CSMD3: variants seen among roughly 807,000 people sequenced by gnomAD.
The protein encoded by CSMD3 is CUB and Sushi multiple domains 3.
A neutral mutation model predicts 435.2 loss-of-function variants in CSMD3; 177 were observed. The ratio of observed to expected loss-of-function variants is 0.41; its 90% CI spans 0.36 to 0.46. The LOEUF (loss-of-function observed/expected upper bound fraction) is 0.46, where lower values mean the gene tolerates loss of function less well. CSMD3 is among the 20% of genes least tolerant of loss of function. The pLI, the probability that CSMD3 is intolerant of heterozygous loss-of-function variation, is 0.34. For missense variants in CSMD3, 4,265 were observed against 4,504.6 expected, an observed-to-expected ratio of 0.95 and a Z score of 1.52; for synonymous variants, 1,656 against 1,520.5, an observed-to-expected ratio of 1.09 and a Z score of -2.07.
chr8:112,741,092 G>T (rs187608998), intron 13 of CSMD3, among the ~76,000 whole-genome samples: 30 of 151,968 alleles, frequency 2.0e-4, no homozygotes, highest in Admixed American at 7.2e-4. Context: ...TAACAGGACA[G>T]AAAGAAGGCA....
At chr8:113,067,452 G>A (rs1445911649) in intron 5 of CSMD3, among the ~76,000 whole-genome samples, 3 of 152,096 alleles carry the variant, frequency 2.0e-5, no homozygotes, top group Admixed American at 1.3e-4. Flanking sequence ...GAATGCCTCA[G>A]TCCTTAAGCT....
rs755514579 is a variant in CSMD3 at position 112,550,659 on chromosome 8, G to GA, written c.4564+11dup. On this transcript the variant is annotated intron_variant, in intron 27 of 70. Transcript: ENST00000297405. ...CTATTTTGCATTGAAGAAATTTTTT[G>GA]AAAAAACTTACTTGAAAACTGAATT... is the stretch of plus-strand genomic sequence containing the variant. The GA allele has an allele frequency of 6.2e-5, 95 of 1,528,438 alleles. No homozygotes were observed. The highest frequency in any genetic ancestry group is 8.6e-5 in the Non-Finnish European group (95 of 1,103,698). The allele number at this position is 1,528,438 out of a possible 1,614,324, so 94.7% of individuals were successfully genotyped here. A position where few individuals can be genotyped will look rare whatever the true frequency, so the allele number is the denominator to read the frequency against.
At chr8:112,385,777 A>T (rs117467651) in intron 36 of CSMD3, among the ~76,000 whole-genome samples, 1,709 of 152,254 alleles carry the variant, frequency 0.011, 20 homozygotes, top group Middle Eastern at 0.021. Flanking sequence ...TATTGAGAGT[A>T]GTGGGGTAGC....
intron 1 of CSMD3, among the ~76,000 whole-genome samples, chr8:113,392,265 A>T (rs867059002): frequency 1.3e-5 from 2 of 152,090 alleles, no homozygotes; most frequent in Non-Finnish European, 2.9e-5. Flanking sequence ...CTTACACCAA[A>T]TCAATAAAGT....
In CSMD3 at chr8:113,357,005, A is replaced by G. The variant is rs2094234410; in HGVS notation, c.179-42212T>C. ...TAAAATAGGCAAATATGAATCTAGA[A>G]CAGAGAGATACTTAAAAACTCCTTA... On this transcript the variant is annotated intron_variant, in intron 1 of 70. Coordinates refer to ENST00000297405, the MANE Select transcript of CSMD3 (RefSeq NM_198123.2). 1.3e-5 allele frequency among the ~76,000 whole-genome samples: 2 copies of G among 152,166 alleles called. 1 individual carries two copies. Among genetic ancestry groups the G allele is most frequent in the South Asian group, 4.1e-4 (2 of 4,834 alleles).
chr8:113,023,189 T>A (rs12545742), intron 5 of CSMD3, among the ~76,000 whole-genome samples: 64,704 of 151,882 alleles, frequency 0.43, 14,590 homozygotes, highest in East Asian at 0.78. Flanking sequence ...ATTTTGTAGT[T>A]TCATCAACAG....
rs185850849 is a variant in CSMD3, at chr8:113,173,384, C to T, written c.709+338G>A. On this transcript the variant is annotated intron_variant, in intron 4 of 70. Transcript: ENST00000297405. ...TTGCCTAGGCTGGGGTGCAGTGGCG[C>T]GATCTCAGCTCACTGCAGCCTCCAC... Among the ~76,000 whole-genome samples the T allele has an allele frequency of 3.2e-4, 48 of 152,104 alleles. No homozygotes were observed. The East Asian group carries it at 6.4e-3, about 20-fold the overall frequency.
At chr8:112,274,230 TA>T (rs370495711) in intron 59 of CSMD3, among the ~76,000 whole-genome samples, 28 of 151,600 alleles carry the variant, frequency 1.8e-4, no homozygotes, top group African/African-American at 5.8e-4. Context: ...AGAGTATATT[TA>T]AAAAAAAGAA....
chr8:112,829,103 G>C (rs143432122), intron 12 of CSMD3, among the ~76,000 whole-genome samples: 5 of 151,844 alleles, frequency 3.3e-5, no homozygotes, highest in African/African-American at 4.8e-5. Flanking sequence ...ATACAATAAG[G>C]GCATTACCAG....
At chr8:113,377,042 A>G (rs1229483715) in intron 1 of CSMD3, 5 of 938,918 alleles carry the variant, frequency 5.3e-6, no homozygotes, top group South Asian at 2.8e-5. Context: ...GGTGGGGCGG[A>G]GCGGAGCGGG....
intron 10 of CSMD3, among the ~76,000 whole-genome samples, chr8:112,913,056 C>G (rs1587654218): frequency 1.3e-5 from 2 of 151,920 alleles, no homozygotes; most frequent in Admixed American, 6.6e-5. Context: ...GCACATCCAC[C>G]ATTGTTCTCA....
intron 38 of CSMD3, 52 bp from the exon 39 acceptor site, chr8:112,352,586 TAAGTTATGCATATTAAGTTGCTAAA>T (rs1826231132): frequency 1.4e-6 from 2 of 1,473,236 alleles, no homozygotes; most frequent in Non-Finnish European, 1.9e-6. Context: ...GATAAATGCT[TAAGTTATGCATATTAAGTTGCTAAA>T]ATTGAATATC....
intron 11 of CSMD3, among the ~76,000 whole-genome samples, chr8:112,833,671 T>G (rs2079941697): frequency 6.6e-6 from 1 of 151,122 alleles, no homozygotes; most frequent in South Asian, 2.1e-4. Context: ...GAGGGAATGC[T>G]TCCAATATAT....
chr8:113,245,920 C>T (rs767288162), intron 3 of CSMD3, among the ~76,000 whole-genome samples: 20 of 151,944 alleles, frequency 1.3e-4, no homozygotes, highest in Non-Finnish European at 2.8e-4. Context: ...GACAGTCTTT[C>T]AACCCTTTGG....
At chr8:113,305,686 G>T (rs1287237853) in intron 2 of CSMD3, among the ~76,000 whole-genome samples, 39 of 152,196 alleles carry the variant, frequency 2.6e-4, no homozygotes, top group Non-Finnish European at 5.9e-5. Context: ...GCCTTAGTCA[G>T]ATTTGAAAGA....
intron 13 of CSMD3, among the ~76,000 whole-genome samples, chr8:112,799,451 T>C (rs1166214371): frequency 6.6e-6 from 1 of 151,914 alleles, no homozygotes; most frequent in Non-Finnish European, 1.5e-5. Context: ...TCTTGTATAT[T>C]TTTGTTTTTA....
rs2131803713 is a variant in CSMD3 at position 112,685,533 on chromosome 8, G to A, written c.2355C>T (p.Ser785=). 6.2e-7 allele frequency: 1 copy of A among 1,613,840 alleles called. No individual in the cohort carries two copies. The highest frequency in any genetic ancestry group is 8.5e-7 in the Non-Finnish European group (1 of 1,179,824). Residue 785 remains serine (S), a synonymous_variant, in exon 15 of 71, where the codon TCC becomes TCT. Transcript: ENST00000297405. ...CCCCAGTAAAGGTTCCAAGAATTGG[G>A]GATTCTGGAGAGTCACCATCTTTAA... The part of the protein sequence containing the change: ...LAVKDGDSPE[S]PILGTFTGAE...
intron 3 of CSMD3, among the ~76,000 whole-genome samples, chr8:113,254,057 C>A (rs75851420): frequency 0.03 from 4,510 of 152,172 alleles, 87 homozygotes; most frequent in Admixed American, 0.04. Flanking sequence ...TGCAAACATC[C>A]AAATTGACAT....
intron 1 of CSMD3, among the ~76,000 whole-genome samples, chr8:113,376,441 GA>G (rs2094383411): frequency 6.6e-6 from 1 of 152,002 alleles, no homozygotes; most frequent in Admixed American, 6.6e-5. Flanking sequence ...ATATTTTGTA[GA>G]AAATTTGTCA....
Sources: gnomAD v4.1 joint callset for allele counts (sites outside exome capture counted in the v4.1 genomes callset) on GRCh38, gnomAD v4.1.1 for gene constraint, MANE v1.5 for transcripts, NCBI Gene and HGNC (gene_info 2026-07-23, HGNC 2026-07-21) for gene names.